The following MAP3K20 variants were observed in gnomAD, a reference collection of about 807,000 sequenced individuals.
The protein encoded by MAP3K20 is HCCS-4.
MAP3K20 carries 40 observed loss-of-function variants against 85.7 expected under a neutral mutation model. That is an observed-to-expected ratio of 0.47 (90% CI 0.36 to 0.61). The LOEUF is 0.61. Among genes scored for constraint, MAP3K20 ranks in the 20% least tolerant of loss-of-function variants. MAP3K20 has a pLI of 0.00. For missense variants in MAP3K20, 817 were observed against 961.7 expected (o/e 0.85, Z 1.99); for synonymous variants, 325 against 327.7 (o/e 0.99, Z 0.09).
Position 173,232,216 on chromosome 2 carries a change from A to C in MAP3K20, c.1057A>C (p.Arg353=). The change falls in exon 13 of 20, where the codon AGA becomes CGA. Residue 353 remains arginine (R), a synonymous_variant. Transcript: ENST00000375213. ...DVYCWVQQLV[R]KGDSSAEMSV... ...GTATTGTTGGGTTCAGCAGCTCGTC[A>C]GAAAAGGCAAGTGGAATAAGTTACC... 2 of 1,614,236 alleles carry C rather than the reference A, an allele frequency of 1.2e-6. No individual in the cohort carries two copies. The highest frequency in any genetic ancestry group is 1.7e-6 in the Non-Finnish European group (2 of 1,180,038).
At chr2:173,123,626 C>T (rs1688360242) in intron 2 of MAP3K20, among the ~76,000 whole-genome samples, 1 of 152,164 alleles carries the variant, frequency 6.6e-6, no homozygotes, top group Non-Finnish European at 1.5e-5. Context: ...TTCTTTGGGG[C>T]TTGAAATTGT....
chr2:173,078,184 TTTTTGTTTTTG>T (rs768156896), intron 1 of MAP3K20, among the ~76,000 whole-genome samples: 62 of 151,406 alleles, frequency 4.1e-4, no homozygotes, highest in Non-Finnish European at 5.0e-4. Flanking sequence ...ATCAGTGGTT[TTTTTGTTTTTG>T]TTTTGTTTTT....
chr2:173,166,274 A>G (rs1035381165), intron 2 of MAP3K20, among the ~76,000 whole-genome samples: 3 of 152,182 alleles, frequency 2.0e-5, no homozygotes, highest in African/African-American at 4.8e-5. Flanking sequence ...CTTAATTCCT[A>G]TTTACAGCAG....
chr2:173,116,752 T>C (rs1191621896), intron 2 of MAP3K20, among the ~76,000 whole-genome samples: 1 of 152,222 alleles, frequency 6.6e-6, no homozygotes, highest in African/African-American at 2.4e-5. Flanking sequence ...CCTCCTTGAT[T>C]ACCTTCAGCT....
intron 2 of MAP3K20, among the ~76,000 whole-genome samples, chr2:173,109,116 G>A (rs939373156): frequency 1.3e-5 from 2 of 151,996 alleles, no homozygotes; most frequent in Non-Finnish European, 2.9e-5. Flanking sequence ...GAATTTATTT[G>A]CTATCATGAA....
At chr2:173,115,342 G>A (rs1023765707) in intron 2 of MAP3K20, among the ~76,000 whole-genome samples, 3 of 152,074 alleles carry the variant, frequency 2.0e-5, no homozygotes, top group Non-Finnish European at 4.4e-5. Flanking sequence ...TCCTTGCATT[G>A]GGTATCGCCT....
intron 2 of MAP3K20, among the ~76,000 whole-genome samples, chr2:173,094,091 T>C (rs1687386368): frequency 1.3e-5 from 2 of 150,898 alleles, no homozygotes; most frequent in Admixed American, 6.6e-5. Context: ...TATACATATG[T>C]AACTAACCTG....
chr2:173,083,955 T>C (rs1687077337), intron 1 of MAP3K20, among the ~76,000 whole-genome samples: 1 of 152,152 alleles, frequency 6.6e-6, no homozygotes, highest in Non-Finnish European at 1.5e-5. Flanking sequence ...GAAAGGAAAG[T>C]ATGAATTAGG....
intron 4 of MAP3K20, 134 bp from the exon 5 acceptor site, chr2:173,187,424 C>A (rs901337442): frequency 1.5e-6 from 1 of 670,178 alleles, no homozygotes; most frequent in Non-Finnish European, 2.5e-6. Flanking sequence ...ATTCTGTTTT[C>A]ATTTTATCAG....
intron 2 of MAP3K20, among the ~76,000 whole-genome samples, chr2:173,121,240 A>G (rs1015978812): frequency 6.6e-6 from 1 of 152,190 alleles, no homozygotes; most frequent in Admixed American, 6.5e-5. Context: ...ACTCAATTCC[A>G]TGCTTATGAG....
At chr2:173,253,327 A>G (rs1423479099) in intron 16 of MAP3K20, among the ~76,000 whole-genome samples, 1 of 152,190 alleles carries the variant, frequency 6.6e-6, no homozygotes, top group Admixed American at 6.5e-5. Flanking sequence ...CATTTACATT[A>G]TCTTAATCTT....
chr2:173,136,998 G>T (rs1688815765), intron 2 of MAP3K20, among the ~76,000 whole-genome samples: 1 of 152,118 alleles, frequency 6.6e-6, no homozygotes, highest in Non-Finnish European at 1.5e-5. Flanking sequence ...TCCTTTTCTT[G>T]CAAGAAGCAC....
chr2:173,248,851 C>T (rs1420352188), intron 16 of MAP3K20, among the ~76,000 whole-genome samples: 2 of 152,238 alleles, frequency 1.3e-5, no homozygotes, highest in South Asian at 4.1e-4. Flanking sequence ...ATCAAGATTA[C>T]GAATTCCTTT....
intron 2 of MAP3K20, among the ~76,000 whole-genome samples, chr2:173,162,980 G>A (rs928236145): frequency 2.0e-5 from 3 of 152,134 alleles, no homozygotes; most frequent in African/African-American, 4.8e-5. Flanking sequence ...CTTCATAAAC[G>A]ATTGCTTTCA....
chr2:173,141,844 A>G (rs191069608), intron 2 of MAP3K20, among the ~76,000 whole-genome samples: 69 of 152,298 alleles, frequency 4.5e-4, no homozygotes, highest in Admixed American at 1.6e-3. Flanking sequence ...AAAAAAAGAC[A>G]CATTACATAA....
In MAP3K20 at chr2:173,217,103, A is replaced by G; in HGVS notation, c.852-12A>G. The stretch of plus-strand genomic sequence containing the variant: ...AGTAAAGTTGAGACTTACACCAGCT[A>G]TCCCCGTGCAGGTGCGAAATTGAGG... On this transcript the variant is annotated splice_polypyrimidine_tract_variant and intron_variant, in intron 10 of 19. Transcript: ENST00000375213. The G allele has an allele frequency of 6.5e-7, 1 of 1,526,950 alleles. No homozygotes were observed. Among genetic ancestry groups the G allele is most frequent in the Non-Finnish European group, 8.8e-7 (1 of 1,135,146 alleles). The allele number at this position is 1,526,950 out of a possible 1,614,324, so 94.6% of individuals were successfully genotyped here. A position where few individuals can be genotyped will look rare whatever the true frequency, so the allele number is the denominator to read the frequency against.
At chr2:173,224,097 C>A in intron 11 of MAP3K20, 1 of 866,360 alleles carries the variant, frequency 1.2e-6, no homozygotes, top group Non-Finnish European at 1.4e-6. Flanking sequence ...ATAAATAAAG[C>A]AAATGCATCA....
chr2:173,170,030 T>C (rs921276630), intron 3 of MAP3K20, 138 bp downstream of exon 3: 1 of 738,166 alleles, frequency 1.4e-6, no homozygotes, highest in Non-Finnish European at 2.3e-6. Context: ...CTATAAAGCA[T>C]TAATAAAACT....
chr2:173,093,628 T>G (rs1353479841), intron 2 of MAP3K20, among the ~76,000 whole-genome samples: 1 of 152,146 alleles, frequency 6.6e-6, no homozygotes, highest in East Asian at 1.9e-4. Context: ...AAAACTTTAT[T>G]TAAAAAAATT....
Sources: gnomAD v4.1 joint callset for allele counts (sites outside exome capture counted in the v4.1 genomes callset) on GRCh38, gnomAD v4.1.1 for gene constraint, MANE v1.5 for transcripts, NCBI Gene and HGNC (gene_info 2026-07-23, HGNC 2026-07-21) for gene names.